PIAS1: variants seen among roughly 807,000 people sequenced by gnomAD.
PIAS1 encodes the protein protein inhibitor of activated STAT 1.
Under a neutral mutation model 71.3 loss-of-function variants are expected in PIAS1, and 6 were observed. That is an observed-to-expected ratio of 0.08 (90% CI 0.05 to 0.17). The LOEUF is 0.17. Ranked by LOEUF, PIAS1 falls within the 10% of genes least tolerant of loss-of-function variation. The pLI is 1.00. For synonymous variants in PIAS1, 303 were observed against 292.9 expected (o/e 1.03, Z -0.35); for missense variants, 555 against 793.6 (o/e 0.70, Z 3.61).
intron 2 of PIAS1, among the ~76,000 whole-genome samples, chr15:68,119,758 G>C (rs2092598162): frequency 6.6e-6 from 1 of 152,148 alleles, no homozygotes; most frequent in African/African-American, 2.4e-5. Flanking sequence ...CTTATTGAGA[G>C]AGGGATGTTA....
At chr15:68,108,428 A>G (rs1341257739) in intron 2 of PIAS1, among the ~76,000 whole-genome samples, 2 of 152,090 alleles carry the variant, frequency 1.3e-5, no homozygotes, top group East Asian at 1.9e-4. Context: ...TTTTCCTCCT[A>G]TCATGCTAGT....
intron 1 of PIAS1, among the ~76,000 whole-genome samples, chr15:68,077,099 A>G (rs1323919555): frequency 6.6e-6 from 1 of 152,204 alleles, no homozygotes; most frequent in Non-Finnish European, 1.5e-5. Flanking sequence ...CATTTATGTG[A>G]AAAAGATAGA....
At chr15:68,179,168 G>C (rs1385180640) in intron 11 of PIAS1, among the ~76,000 whole-genome samples, 3 of 152,166 alleles carry the variant, frequency 2.0e-5, no homozygotes, top group Non-Finnish European at 4.4e-5. Flanking sequence ...CAGTATAAAG[G>C]TTGAAATGCA....
In PIAS1 at chr15:68,171,476, T is replaced by TA. The variant is rs1268397185; in HGVS notation, c.1009-2255dup. On this transcript the variant is annotated intron_variant, in intron 8 of 13. Transcript: ENST00000249636. This position sits in a 1 kb window ranked among gnomAD's most constrained non-coding sequence, Gnocchi z 4.4. Reference sequence around the variant, plus strand: ...TGCGGTTCAGTGTTGACCAAAATGTTATGTGGTGCTTGATTGTAATCATAT... The same window carrying TA: ...TGCGGTTCAGTGTTGACCAAAATGTTAATGTGGTGCTTGATTGTAATCATAT... Among the ~76,000 whole-genome samples, 2 of 152,192 alleles carry TA rather than the reference T, an allele frequency of 1.3e-5. No homozygotes were observed. Among genetic ancestry groups the TA allele is most frequent in the African/African-American group, 4.8e-5 (2 of 41,434 alleles).
chr15:68,157,473 G>T (rs1445691286), intron 7 of PIAS1, among the ~76,000 whole-genome samples: 1 of 152,082 alleles, frequency 6.6e-6, no homozygotes, highest in Admixed American at 6.6e-5. Context: ...TCTCATTATG[G>T]TCTTTAACCC....
At chr15:68,081,364 C>T (rs2140976884) in intron 1 of PIAS1, among the ~76,000 whole-genome samples, 1 of 152,116 alleles carries the variant, frequency 6.6e-6, no homozygotes, top group African/African-American at 2.4e-5. Flanking sequence ...CAGGTTATTG[C>T]CCAGTCATTC....
chr15:68,131,480 T>TAAA (rs11398417), intron 2 of PIAS1, among the ~76,000 whole-genome samples: 2 of 150,384 alleles, frequency 1.3e-5, no homozygotes, highest in African/African-American at 4.9e-5. Flanking sequence ...AAGATCTTAT[T>TAAA]AAAAAAAAAA....
intron 12 of PIAS1, 22 bp downstream of exon 12, chr15:68,181,376 A>G (rs2093052553): frequency 2.5e-6 from 4 of 1,608,632 alleles, no homozygotes; most frequent in Non-Finnish European, 3.4e-6. Context: ...GTTCTTCTAC[A>G]TTGTCACATA....
At chr15:68,122,343 T>G (rs1397840464) in intron 2 of PIAS1, among the ~76,000 whole-genome samples, 2 of 152,102 alleles carry the variant, frequency 1.3e-5, no homozygotes, top group Admixed American at 1.3e-4. Flanking sequence ...TTGAATACTG[T>G]GGTGAACAAG....
intron 2 of PIAS1, among the ~76,000 whole-genome samples, chr15:68,117,684 G>T (rs1228474680): frequency 1.3e-5 from 2 of 152,098 alleles, no homozygotes; most frequent in Non-Finnish European, 2.9e-5. Context: ...CAAAAGACAG[G>T]ATTTTATTCT....
At chr15:68,074,877 TG>T (rs1480466898) in intron 1 of PIAS1, among the ~76,000 whole-genome samples, 1 of 151,824 alleles carries the variant, frequency 6.6e-6, no homozygotes, top group Non-Finnish European at 1.5e-5. Flanking sequence ...TTTAATGTTT[TG>T]GATATGTTAA....
At chr15:68,132,335 CGTG>C (rs997152047) in intron 2 of PIAS1, among the ~76,000 whole-genome samples, 2 of 151,936 alleles carry the variant, frequency 1.3e-5, no homozygotes. Context: ...AAAATCAGGG[CGTG>C]GTGGCCCTCA....
intron 7 of PIAS1, among the ~76,000 whole-genome samples, chr15:68,164,248 G>A (rs78869409): frequency 0.029 from 4,473 of 152,196 alleles, 150 homozygotes; most frequent in African/African-American, 0.082. Flanking sequence ...TTCATAATTT[G>A]AAGTTTGAAT....
rs370945336 is a variant in PIAS1 at position 68,115,693 on chromosome 15, C to G, written c.470-26253C>G. ...GTAAATTTTCATAGCTGTCTATTAT[C>G]GATTTGAAGATGTTTACTTCTATTC... On this transcript the variant is annotated intron_variant, in intron 2 of 13. Coordinates refer to ENST00000249636, the MANE Select transcript of PIAS1 (RefSeq NM_016166.3). Among the ~76,000 whole-genome samples, 6 of 152,110 alleles carry G rather than the reference C, an allele frequency of 3.9e-5. No homozygotes were observed. The East Asian group carries it at 1.2e-3, about 29-fold the overall frequency.
chr15:68,091,128 G>A (rs967376513), intron 2 of PIAS1, among the ~76,000 whole-genome samples: 1 of 152,074 alleles, frequency 6.6e-6, no homozygotes, highest in Non-Finnish European at 1.5e-5. Context: ...TTATTGCTTA[G>A]TGTGCCAATA....
chr15:68,055,866 T>C (rs959570308), intron 1 of PIAS1: 1 of 697,138 alleles, frequency 1.4e-6, no homozygotes, highest in African/African-American at 1.7e-5. Flanking sequence ...AAAGAGCTTT[T>C]CTCCTAATAA....
chr15:68,072,501 A>G (rs2092109773), intron 1 of PIAS1, among the ~76,000 whole-genome samples: 1 of 151,220 alleles, frequency 6.6e-6, no homozygotes, highest in Admixed American at 6.6e-5. Context: ...GTCTGAAACT[A>G]TGTTGAATGC....
intron 1 of PIAS1, among the ~76,000 whole-genome samples, chr15:68,073,239 G>A (rs1165740470): frequency 4.6e-5 from 7 of 152,008 alleles, no homozygotes. Flanking sequence ...GGATGGTCTC[G>A]ATCTCCTGAC....
chr15:68,067,307 T>C (rs974524206), intron 1 of PIAS1, among the ~76,000 whole-genome samples: 2 of 152,206 alleles, frequency 1.3e-5, no homozygotes, highest in Non-Finnish European at 2.9e-5. Context: ...TTTTTAGATA[T>C]GCTTGCCTTT....
Sources: gnomAD v4.1 joint callset for allele counts (sites outside exome capture counted in the v4.1 genomes callset) on GRCh38, gnomAD v4.1.1 for gene constraint, Gnocchi (gnomAD v3.1) non-coding constraint, MANE v1.5 for transcripts, NCBI Gene and HGNC (gene_info 2026-07-23, HGNC 2026-07-21) for gene names.